MPP7: variants seen among roughly 807,000 people sequenced by gnomAD.
The protein encoded by MPP7 is MAGUK p55 scaffold protein 7, also known as MAGUK p55 subfamily member 7.
In MPP7, 60 loss-of-function variants were observed where a neutral mutation model predicts 76.5. The observed-to-expected ratio is 0.78, with a 90% CI of 0.64 to 0.97. The LOEUF (loss-of-function observed/expected upper bound fraction) is 0.97, where lower values mean the gene tolerates loss of function less well. Among genes scored for constraint, MPP7 ranks in the 50% least tolerant of loss-of-function variants. The probability of loss-of-function intolerance (pLI) is 0.00; values close to 1 mark genes in which losing one functional copy is unlikely to be tolerated. For synonymous variants in MPP7, 237 were observed against 244.5 expected (o/e 0.97, Z 0.29); for missense variants, 641 against 694.0 (o/e 0.92, Z 0.86).
chr10:28,071,534 T>C (rs1048279318), intron 12 of MPP7, among the ~76,000 whole-genome samples: 11 of 152,184 alleles, frequency 7.2e-5, no homozygotes, highest in Admixed American at 2.0e-4. Context: ...ATAATAAATA[T>C]GCCATAATAC....
chr10:28,157,193 G>A (rs1211662993), intron 3 of MPP7, among the ~76,000 whole-genome samples: 1 of 152,102 alleles, frequency 6.6e-6, no homozygotes, highest in South Asian at 2.1e-4. Context: ...CTGGGCAGCA[G>A]GGCGAGACTT....
intron 3 of MPP7, among the ~76,000 whole-genome samples, chr10:28,172,015 A>T (rs933970794): frequency 6.6e-6 from 1 of 152,208 alleles, no homozygotes; most frequent in African/African-American, 2.4e-5. Context: ...AGCAGCAGTC[A>T]TCACTATCCC....
At position 28,167,388 on chromosome 10, in the gene MPP7, C is replaced by T. The variant is rs981643021; in HGVS notation, c.157-17329G>A. On this transcript the variant is annotated intron_variant, in intron 3 of 16. Coordinates refer to ENST00000683449, the MANE Select transcript of MPP7 (RefSeq NM_001318170.2). Reference sequence around the variant, plus strand: ...GCTACTGAAACAGAAAGCCAAACTGCATGTTCTCACTTATAAGTGGGAACT... The same window carrying T: ...GCTACTGAAACAGAAAGCCAAACTGTATGTTCTCACTTATAAGTGGGAACT... Among the ~76,000 whole-genome samples, 3 of 152,148 alleles carry T rather than the reference C, an allele frequency of 2.0e-5. No homozygotes were observed. In the South Asian group the frequency reaches 6.2e-4, roughly 32 times the overall value.
chr10:28,315,112 C>A (rs11007012), intron 2 of MPP7, among the ~76,000 whole-genome samples: 12,193 of 151,614 alleles, frequency 0.08, 1,005 homozygotes, highest in East Asian at 0.43. Flanking sequence ...TGCACAACTG[C>A]ACTCCAGCCT....
At chr10:28,090,745 G>A (rs925909289) in intron 11 of MPP7, among the ~76,000 whole-genome samples, 1 of 152,192 alleles carries the variant, frequency 6.6e-6, no homozygotes, top group Non-Finnish European at 1.5e-5. Context: ...TCTTCAGCAA[G>A]TCAGTTAACT....
chr10:28,267,892 C>T (rs565146785), intron 1 of MPP7, among the ~76,000 whole-genome samples: 7 of 151,882 alleles, frequency 4.6e-5, no homozygotes, highest in South Asian at 4.2e-4. Flanking sequence ...AAAAATTAGC[C>T]GGGCGTGCTG....
intron 1 of MPP7, among the ~76,000 whole-genome samples, chr10:28,290,321 T>G (rs893197433): frequency 6.7e-6 from 1 of 149,978 alleles, no homozygotes; most frequent in African/African-American, 2.5e-5. Context: ...AGAGAGTATT[T>G]CCAGCATATA....
At chr10:28,111,810 C>T (rs554797008) in intron 11 of MPP7, among the ~76,000 whole-genome samples, 106 of 152,216 alleles carry the variant, frequency 7.0e-4, no homozygotes, top group African/African-American at 2.5e-3. Flanking sequence ...TTCAGAGACT[C>T]GCTTTCAGAA....
intron 2 of MPP7, among the ~76,000 whole-genome samples, chr10:28,237,721 A>G (rs1282631013): frequency 6.6e-6 from 1 of 152,216 alleles, no homozygotes; most frequent in Non-Finnish European, 1.5e-5. Flanking sequence ...GATGGCCCAT[A>G]TAAAACAGAG....
intron 3 of MPP7, among the ~76,000 whole-genome samples, chr10:28,195,884 T>C (rs907472069): frequency 6.6e-6 from 1 of 152,150 alleles, no homozygotes; most frequent in African/African-American, 2.4e-5. Context: ...CACAATCCTG[T>C]GAATATACTA....
intron 2 of MPP7, among the ~76,000 whole-genome samples, chr10:28,326,502 C>T (rs1049786748): frequency 1.3e-5 from 2 of 152,072 alleles, no homozygotes; most frequent in African/African-American, 2.4e-5. Flanking sequence ...GTCAATGCTC[C>T]GGGCTCAATT....
rs1022032211 is a variant in MPP7 at position 28,118,990 on chromosome 10, C to G, written c.952+661G>C. On this transcript the variant is annotated intron_variant, in intron 11 of 16. Transcript: ENST00000683449. ...CATGAAACATCTAGGCGAGGTGGAA[C>G]AGGGAATTTATGGGATGCAGACTTG... The G allele has an allele frequency of 9.1e-6, 9 of 985,010 alleles. No homozygotes were observed. In the African/African-American group the frequency reaches 1.4e-4, roughly 15 times the overall value. 61.0% of individuals were successfully genotyped at this position (985,010 alleles called of 1,614,324 possible).
intron 13 of MPP7, among the ~76,000 whole-genome samples, chr10:28,061,036 G>A (rs1851764234): frequency 1.3e-5 from 2 of 152,228 alleles, no homozygotes; most frequent in Non-Finnish European, 2.9e-5. Context: ...AAAGAAGCTG[G>A]CAGCTAAAAT....
chr10:28,277,919 T>A (rs1245883798), intron 1 of MPP7, among the ~76,000 whole-genome samples: 1 of 151,698 alleles, frequency 6.6e-6, no homozygotes, highest in African/African-American at 2.4e-5. Context: ...AGAAAAGGAA[T>A]CCATGAAAAA....
intron 1 of MPP7, among the ~76,000 whole-genome samples, chr10:28,249,765 GCTTCTGATATGATAAGAGAGCCTGCAC>G (rs2132840580): frequency 6.6e-6 from 1 of 152,234 alleles, no homozygotes; most frequent in East Asian, 1.9e-4. Context: ...GCTGACCTGG[GCTTCTGATATGATAAGAGAGCCTGCAC>G]CTTCCCCTGG....
At chr10:28,182,197 A>AGGC (rs55744491) in intron 3 of MPP7, among the ~76,000 whole-genome samples, 2 of 92,596 alleles carry the variant, frequency 2.2e-5, no homozygotes, top group African/African-American at 8.5e-5. Context: ...AAAAAATAGC[A>AGGC]AAGGATATAA....
chr10:28,326,710 G>C (rs1834419481), intron 2 of MPP7, among the ~76,000 whole-genome samples: 1 of 152,168 alleles, frequency 6.6e-6, no homozygotes, highest in African/African-American at 2.4e-5. Context: ...ACTGTGACAA[G>C]GCACTCAGTT....
intron 3 of MPP7, among the ~76,000 whole-genome samples, chr10:28,169,709 T>G (rs556246278): frequency 6.6e-6 from 1 of 152,014 alleles, no homozygotes. Context: ...GTAAGTAGGG[T>G]TTTTTTGTTT....
intron 3 of MPP7, among the ~76,000 whole-genome samples, chr10:28,196,263 C>A (rs1564693896): frequency 6.6e-6 from 1 of 152,010 alleles, no homozygotes; most frequent in Non-Finnish European, 1.5e-5. Context: ...GGTGGATCAC[C>A]CAAGGTCAGG....
Sources: allele counts gnomAD v4.1 joint callset (sites outside exome capture counted in the v4.1 genomes callset), GRCh38; gene constraint gnomAD v4.1.1; transcripts MANE v1.5; gene names NCBI Gene and HGNC (gene_info 2026-07-23, HGNC 2026-07-21).